Variants in CDYL observed in about 807,000 individuals in gnomAD.
CDYL encodes the protein chromodomain Y like, also known as chromodomain Y-like protein.
A neutral mutation model predicts 47.3 loss-of-function variants in CDYL; 8 were observed. The observed-to-expected ratio is 0.17, with a 90% CI of 0.10 to 0.31. CDYL has a LOEUF of 0.31. Among genes scored for constraint, CDYL ranks in the 10% least tolerant of loss-of-function variants. The pLI, the probability that CDYL is intolerant of heterozygous loss-of-function variation, is 1.00. For missense variants in CDYL, 471 were observed against 701.4 expected (o/e 0.67, Z 3.71); for synonymous variants, 266 against 265.0 (o/e 1.00, Z -0.04).
chr6:4,826,895 A>G (rs1190630673), intron 1 of CDYL, among the ~76,000 whole-genome samples: 1 of 152,210 alleles, frequency 6.6e-6, no homozygotes, highest in African/African-American at 2.4e-5. Flanking sequence ...CCTGTACTGA[A>G]AATGTAGTGT....
intron 2 of CDYL, among the ~76,000 whole-genome samples, chr6:4,923,241 C>A (rs985106865): frequency 6.6e-6 from 1 of 152,154 alleles, no homozygotes; most frequent in Non-Finnish European, 1.5e-5. Context: ...CCACTACTTC[C>A]CAGCCTCTAG....
At chr6:4,886,345 C>T (rs562746886) in intron 1 of CDYL, among the ~76,000 whole-genome samples, 1 of 152,272 alleles carries the variant, frequency 6.6e-6, no homozygotes, top group South Asian at 2.1e-4. Context: ...TTTACATTAC[C>T]ACAAGCAGTA....
At chr6:4,859,066 A>G (rs1581217437) in intron 1 of CDYL, among the ~76,000 whole-genome samples, 2 of 152,114 alleles carry the variant, frequency 1.3e-5, no homozygotes, top group African/African-American at 2.4e-5. Flanking sequence ...ATTTGTACAC[A>G]TTTTACTGAT....
upstream of CDYL, among the ~76,000 whole-genome samples, chr6:4,775,775 G>A (rs1357779372): frequency 6.7e-6 from 1 of 149,010 alleles, no homozygotes. The surrounding 1 kb of genome is among the most constrained non-coding windows in gnomAD (Gnocchi z 7.0). Context: ...GGTGGGGCGG[G>A]CATGGGGTGG....
At chr6:4,871,869 C>A (rs1302725398) in intron 1 of CDYL, among the ~76,000 whole-genome samples, 1 of 152,212 alleles carries the variant, frequency 6.6e-6, no homozygotes, top group Non-Finnish European at 1.5e-5. Context: ...CCCTAATATT[C>A]CGCATTGGCA....
chr6:4,790,018 C>G (rs1441118201), intron 1 of CDYL, among the ~76,000 whole-genome samples: 1 of 152,122 alleles, frequency 6.6e-6, no homozygotes, highest in Non-Finnish European at 1.5e-5. Context: ...TGCTGTACAT[C>G]ATTGAGGACA....
At chr6:4,821,833 A>G (rs184025911) in intron 1 of CDYL, among the ~76,000 whole-genome samples, 1 of 152,240 alleles carries the variant, frequency 6.6e-6, no homozygotes, top group Admixed American at 6.5e-5. Context: ...ACATAGATTA[A>G]AATATGCACC....
chr6:4,867,865 A>G (rs1761365414), intron 1 of CDYL, among the ~76,000 whole-genome samples: 1 of 145,792 alleles, frequency 6.9e-6, no homozygotes, highest in Non-Finnish European at 1.5e-5. Flanking sequence ...GAATTTTTGC[A>G]TTTTGTCTAA....
At chr6:4,826,766 T>C (rs1473249282) in intron 1 of CDYL, among the ~76,000 whole-genome samples, 5 of 152,246 alleles carry the variant, frequency 3.3e-5, no homozygotes, top group Non-Finnish European at 7.3e-5. Context: ...ACATTTGGTC[T>C]GTTCTGGAAA....
chr6:4,754,792 G>T (rs980695110), intron 3 of CDYL, among the ~76,000 whole-genome samples: 1 of 152,094 alleles, frequency 6.6e-6, no homozygotes, highest in African/African-American at 2.4e-5. Context: ...TCATAAATAT[G>T]TACTCTTGAA....
chr6:4,889,389 A>G (rs753589609), intron 1 of CDYL, among the ~76,000 whole-genome samples: 6 of 151,790 alleles, frequency 4.0e-5, no homozygotes, highest in Non-Finnish European at 7.4e-5. Context: ...ATGCCCAGCT[A>G]ATTTTGTGTA....
chr6:4,903,219 G>A (rs1757122967), intron 2 of CDYL, among the ~76,000 whole-genome samples: 1 of 152,228 alleles, frequency 6.6e-6, no homozygotes, highest in Admixed American at 6.5e-5. Flanking sequence ...AATCAGACGA[G>A]TCAGCAGGCC....
chr6:4,724,590 G>A (rs1234649847), intron 2 of CDYL: 1 of 152,470 alleles, frequency 6.6e-6, no homozygotes, highest in Non-Finnish European at 1.5e-5. Context: ...CTGCTGCTCG[G>A]ATGTGTTTGG....
intron 5 of CDYL, among the ~76,000 whole-genome samples, chr6:4,946,761 A>G (rs1424720288): frequency 6.6e-6 from 1 of 152,010 alleles, no homozygotes; most frequent in Non-Finnish European, 1.5e-5. Context: ...TGCCTCTCCC[A>G]GTCCCAGCCA....
intron 3 of CDYL, among the ~76,000 whole-genome samples, chr6:4,753,039 T>A (rs1475202410): frequency 4.9e-4 from 75 of 152,100 alleles, no homozygotes; most frequent in Non-Finnish European, 1.2e-4. Flanking sequence ...CACCTTAGCC[T>A]CCTGAGTAGC....
chr6:4,854,569 C>A (rs1760950010), intron 1 of CDYL, among the ~76,000 whole-genome samples: 1 of 152,194 alleles, frequency 6.6e-6, no homozygotes, highest in South Asian at 2.1e-4. Context: ...TCTACTATGG[C>A]AGGTGTTTTC....
intron 1 of CDYL, among the ~76,000 whole-genome samples, chr6:4,785,034 C>G (rs982637776): frequency 1.3e-5 from 2 of 152,156 alleles, no homozygotes; most frequent in Non-Finnish European, 2.9e-5. Flanking sequence ...TATAAATTAC[C>G]CGGTCTCGGG....
At chr6:4,793,087 G>A (rs370284510) in intron 1 of CDYL, among the ~76,000 whole-genome samples, 2 of 152,092 alleles carry the variant, frequency 1.3e-5, no homozygotes, top group East Asian at 1.9e-4. Flanking sequence ...CGTCCTTCCA[G>A]GTATCTTCAT....
chr6:4,895,545 A>G (rs553129356), intron 2 of CDYL, among the ~76,000 whole-genome samples: 1 of 145,434 alleles, frequency 6.9e-6, no homozygotes, highest in African/African-American at 2.8e-5. Flanking sequence ...ATATGTGTAT[A>G]TGTGTGTGTG....
Sources: allele counts gnomAD v4.1 joint callset (sites outside exome capture counted in the v4.1 genomes callset), GRCh38; gene constraint gnomAD v4.1.1; non-coding constraint Gnocchi (gnomAD v3.1); transcripts MANE v1.5; gene names NCBI Gene and HGNC (gene_info 2026-07-23, HGNC 2026-07-21).